The following NCAM2 variants were observed in gnomAD, a reference collection of about 807,000 sequenced individuals.
The protein encoded by NCAM2 is neural cell adhesion molecule 2, also known as N-CAM-2.
NCAM2 carries 30 observed loss-of-function variants against 98.1 expected under a neutral mutation model. The observed-to-expected ratio is 0.31, with a 90% CI of 0.23 to 0.41. The LOEUF is 0.41. Ranked by LOEUF, NCAM2 falls within the 10% of genes least tolerant of loss-of-function variation. The pLI, the probability that NCAM2 is intolerant of heterozygous loss-of-function variation, is 1.00. For synonymous variants in NCAM2, 368 were observed against 342.4 expected (o/e 1.07, Z -0.83); for missense variants, 867 against 1,005.8 (o/e 0.86, Z 1.87).
intron 15 of NCAM2, among the ~76,000 whole-genome samples, chr21:21,499,979 A>G (rs1214134480): frequency 1.3e-5 from 2 of 152,078 alleles, no homozygotes; most frequent in Non-Finnish European, 2.9e-5. Context: ...CTGTTTTATA[A>G]TGTGCATTAC....
At position 21,477,221 on chromosome 21, in the gene NCAM2, A is replaced by G. The variant is rs114533330; in HGVS notation, c.1897-70A>G. The G allele has an allele frequency of 5.6e-4, 681 of 1,205,386 alleles. 4 individuals carry two copies. In the African/African-American group the frequency reaches 8.9e-3, roughly 16 times the overall value. 74.7% of individuals were successfully genotyped at this position (1,205,386 alleles called of 1,614,324 possible). A position where few individuals can be genotyped will look rare whatever the true frequency, so the allele number is the denominator to read the frequency against. ...ATAAGTATATTGTTCCAATTCCAAT[A>G]TAATTTTTTTAAAAAGGTGTCACTT... On this transcript the variant is annotated intron_variant, in intron 14 of 17. Coordinates refer to ENST00000400546, the MANE Select transcript of NCAM2 (RefSeq NM_004540.5).
chr21:21,298,776 G>C (rs561980479), intron 5 of NCAM2, among the ~76,000 whole-genome samples: 14 of 151,600 alleles, frequency 9.2e-5, no homozygotes, highest in Non-Finnish European at 1.9e-4. Flanking sequence ...AGTACACTTA[G>C]TGTCATAATA....
chr21:21,443,114 A>T (rs1304378892), intron 12 of NCAM2, among the ~76,000 whole-genome samples: 1 of 152,176 alleles, frequency 6.6e-6, no homozygotes, highest in Non-Finnish European at 1.5e-5. Flanking sequence ...AGATGAGTTC[A>T]TGTCCTTTGC....
intron 16 of NCAM2, among the ~76,000 whole-genome samples, chr21:21,520,175 A>G (rs1392537147): frequency 6.6e-6 from 1 of 152,118 alleles, no homozygotes; most frequent in African/African-American, 2.4e-5. Context: ...ACATCTATAC[A>G]ACAAGAGACA....
intron 9 of NCAM2, among the ~76,000 whole-genome samples, chr21:21,394,399 A>G (rs903621047): frequency 2.0e-5 from 3 of 151,804 alleles, no homozygotes; most frequent in African/African-American, 7.3e-5. Flanking sequence ...AATGACTGAA[A>G]AAAAAGAACA....
intron 1 of NCAM2, among the ~76,000 whole-genome samples, chr21:21,271,882 C>T (rs999128121): frequency 4.0e-5 from 6 of 151,812 alleles, no homozygotes; most frequent in African/African-American, 7.3e-5. Context: ...CATCACACAC[C>T]GGGGCCTGTC....
intron 1 of NCAM2, among the ~76,000 whole-genome samples, chr21:21,064,542 C>T (rs1202153738): frequency 6.6e-6 from 1 of 152,172 alleles, no homozygotes; most frequent in Admixed American, 6.5e-5. Context: ...TGCAGGTGGT[C>T]ACCAGCTAGG....
At chr21:21,018,564 A>AT (rs1164981832) in intron 1 of NCAM2, among the ~76,000 whole-genome samples, 4 of 152,204 alleles carry the variant, frequency 2.6e-5, no homozygotes, top group African/African-American at 9.7e-5. Context: ...TTATAGATGC[A>AT]TATTCTCTTA....
intron 15 of NCAM2, among the ~76,000 whole-genome samples, chr21:21,497,493 T>C (rs923811434): frequency 2.0e-5 from 3 of 152,102 alleles, no homozygotes; most frequent in African/African-American, 7.2e-5. Flanking sequence ...AAAAAGCAAA[T>C]AAAAGGATAT....
At chr21:21,291,754 A>C (rs913611867) in intron 4 of NCAM2, among the ~76,000 whole-genome samples, 2 of 151,878 alleles carry the variant, frequency 1.3e-5, no homozygotes, top group African/African-American at 4.8e-5. Context: ...TTTGCAGTCA[A>C]AAGTTTGCAC....
At chr21:21,496,306 A>G (rs1987229961) in intron 15 of NCAM2, among the ~76,000 whole-genome samples, 1 of 151,972 alleles carries the variant, frequency 6.6e-6, no homozygotes, top group African/African-American at 2.4e-5. Context: ...TAAAATGATT[A>G]TTCTCATTGG....
Position 20,998,469 on chromosome 21 carries a change from C to A in NCAM2, c.-95C>A. Reference sequence around the variant, plus strand: ...TGGGGCACCGCGGGAGCGGCGGCGGCGGCTCTAGCAGAGGCGGCCGGGGCA... The same window carrying A: ...TGGGGCACCGCGGGAGCGGCGGCGGAGGCTCTAGCAGAGGCGGCCGGGGCA... On this transcript the variant is annotated 5_prime_UTR_variant, in exon 1 of 18. Transcript: ENST00000400546. 1.6e-6 allele frequency: 2 copies of A among 1,250,158 alleles called. No individual in the cohort carries two copies. The highest frequency in any genetic ancestry group is 2.6e-5 in the East Asian group (1 of 38,004). 77.4% of individuals were successfully genotyped at this position (1,250,158 alleles called of 1,614,324 possible). A position where few individuals can be genotyped will look rare whatever the true frequency, so the allele number is the denominator to read the frequency against.
intron 1 of NCAM2, among the ~76,000 whole-genome samples, chr21:21,205,731 G>A (rs1397789657): frequency 6.6e-6 from 1 of 152,068 alleles, no homozygotes; most frequent in Non-Finnish European, 1.5e-5. Context: ...GACTGAGGTA[G>A]CCTATAAGCA....
chr21:21,298,057 T>G (rs2147620494), intron 5 of NCAM2, among the ~76,000 whole-genome samples: 1 of 151,870 alleles, frequency 6.6e-6, no homozygotes, highest in South Asian at 2.1e-4. Flanking sequence ...TCTGAATGTA[T>G]AGTGCACTTT....
At chr21:21,458,045 G>T (rs1982409192) in intron 12 of NCAM2, among the ~76,000 whole-genome samples, 1 of 152,210 alleles carries the variant, frequency 6.6e-6, no homozygotes, top group Non-Finnish European at 1.5e-5. Flanking sequence ...AATTAGAGCT[G>T]CCACTCCCAT....
intron 1 of NCAM2, among the ~76,000 whole-genome samples, chr21:21,179,236 C>T (rs975043047): frequency 6.6e-6 from 1 of 151,798 alleles, no homozygotes; most frequent in African/African-American, 2.4e-5. Flanking sequence ...GTAATAATTA[C>T]CAGCTTTATC....
At chr21:21,096,241 T>G (rs976693318) in intron 1 of NCAM2, among the ~76,000 whole-genome samples, 2 of 151,582 alleles carry the variant, frequency 1.3e-5, no homozygotes, top group African/African-American at 4.8e-5. Flanking sequence ...ATATATATAT[T>G]TTTTTAATTT....
At chr21:21,244,737 C>G (rs1403965838) in intron 1 of NCAM2, among the ~76,000 whole-genome samples, 1 of 149,802 alleles carries the variant, frequency 6.7e-6, no homozygotes, top group African/African-American at 2.5e-5. Context: ...ATCCCAGGTA[C>G]TCAGGAGTCT....
intron 1 of NCAM2, among the ~76,000 whole-genome samples, chr21:21,021,541 C>T (rs918710196): frequency 6.6e-6 from 1 of 152,100 alleles, no homozygotes. Context: ...AAAATTGAGT[C>T]AACGGTGATT....
Sources: gnomAD v4.1 joint callset for allele counts (sites outside exome capture counted in the v4.1 genomes callset) on GRCh38, gnomAD v4.1.1 for gene constraint, MANE v1.5 for transcripts, NCBI Gene and HGNC (gene_info 2026-07-23, HGNC 2026-07-21) for gene names.